CDH18: variants seen among roughly 807,000 people sequenced by gnomAD.
The protein encoded by CDH18 is cadherin-18.
In CDH18, 31 loss-of-function variants were observed where a neutral mutation model predicts 67.9. That is an observed-to-expected ratio of 0.46 (90% CI 0.34 to 0.62). CDH18 has a LOEUF of 0.62. Ranked by LOEUF, CDH18 falls within the 20% of genes least tolerant of loss-of-function variation. The pLI, the probability that CDH18 is intolerant of heterozygous loss-of-function variation, is 0.01. For synonymous variants in CDH18, 362 were observed against 347.2 expected (o/e 1.04, Z -0.48); for missense variants, 890 against 975.5 (o/e 0.91, Z 1.17).
intron 2 of CDH18, among the ~76,000 whole-genome samples, chr5:20,174,052 C>A (rs891450444): frequency 6.6e-6 from 1 of 152,006 alleles, no homozygotes; most frequent in Admixed American, 6.6e-5. Flanking sequence ...TAAAAGTAGT[C>A]AAGAGAAAGT....
At chr5:19,745,918 CAT>C (rs1438616040) in intron 4 of CDH18, among the ~76,000 whole-genome samples, 1 of 151,676 alleles carries the variant, frequency 6.6e-6, no homozygotes. Context: ...AATATATATA[CAT>C]ATATATACAT....
At chr5:20,146,080 G>A (rs1298286582) in intron 2 of CDH18, among the ~76,000 whole-genome samples, 1 of 152,100 alleles carries the variant, frequency 6.6e-6, no homozygotes, top group Non-Finnish European at 1.5e-5. Flanking sequence ...AGGGCATCTA[G>A]TCAACTGGTC....
intron 2 of CDH18, among the ~76,000 whole-genome samples, chr5:19,854,843 T>C (rs534933987): frequency 1.3e-5 from 2 of 152,158 alleles, no homozygotes; most frequent in African/African-American, 4.8e-5. Context: ...AACTGTATTT[T>C]TGTATCCATT....
At chr5:19,749,388 T>C (rs1183417857) in intron 3 of CDH18, among the ~76,000 whole-genome samples, 1 of 151,546 alleles carries the variant, frequency 6.6e-6, no homozygotes, top group Non-Finnish European at 1.5e-5. Context: ...TTGCAGAATG[T>C]GTTATGTCTT....
At chr5:20,160,809 A>G (rs1349627880) in intron 2 of CDH18, among the ~76,000 whole-genome samples, 1 of 152,222 alleles carries the variant, frequency 6.6e-6, no homozygotes, top group African/African-American at 2.4e-5. Context: ...ATTGTAGTCG[A>G]TAACAGAGGT....
At chr5:19,592,075 T>C (rs1745236024) in intron 6 of CDH18, among the ~76,000 whole-genome samples, 1 of 152,028 alleles carries the variant, frequency 6.6e-6, no homozygotes, top group Non-Finnish European at 1.5e-5. Flanking sequence ...ACAGACAAGT[T>C]AATATTCAAT....
intron 1 of CDH18, among the ~76,000 whole-genome samples, chr5:20,317,560 A>G (rs986870570): frequency 4.0e-4 from 61 of 152,148 alleles, no homozygotes; most frequent in Admixed American, 3.9e-3. Context: ...TACATAAACA[A>G]TTTCCAAAAG....
intron 2 of CDH18, among the ~76,000 whole-genome samples, chr5:19,954,246 T>A (rs1214774461): frequency 6.6e-6 from 1 of 152,108 alleles, no homozygotes; most frequent in East Asian, 1.9e-4. Context: ...TTAATATAAT[T>A]GATCCAATTT....
chr5:20,015,151 A>G (rs896485627), intron 2 of CDH18, among the ~76,000 whole-genome samples: 28 of 152,144 alleles, frequency 1.8e-4, no homozygotes, highest in African/African-American at 6.0e-4. Context: ...TGCCATGTTG[A>G]TTACAAACCT....
chr5:20,306,946 A>T (rs1736516185), intron 1 of CDH18, among the ~76,000 whole-genome samples: 1 of 119,100 alleles, frequency 8.4e-6, no homozygotes, highest in African/African-American at 2.5e-5. Context: ...TGCCATAGTT[A>T]TAGGAAAAAA....
Position 19,524,655 on chromosome 5 carries a change from A to C in CDH18, c.1391-3877T>G, listed in dbSNP as rs112258849. Among the ~76,000 whole-genome samples the C allele has an allele frequency of 4.7e-3, 716 of 152,268 alleles. 5 individuals carry two copies. The highest frequency in any genetic ancestry group is 0.016 in the African/African-American group (682 of 41,572). ...TATCTCCCAATTTTAAGCAGACAAA[A>C]GCAATCTCTTTTAAAAATCTGGGGT... On this transcript the variant is annotated intron_variant, in intron 9 of 12. Coordinates refer to ENST00000382275, the MANE Select transcript of CDH18 (RefSeq NM_004934.5).
At chr5:20,209,753 C>G (rs954258448) in intron 2 of CDH18, among the ~76,000 whole-genome samples, 2 of 151,700 alleles carry the variant, frequency 1.3e-5, no homozygotes, top group Non-Finnish European at 2.9e-5. Flanking sequence ...AAGACAATAA[C>G]GTAAATGTTC....
chr5:20,093,990 G>T (rs1325620082), intron 2 of CDH18, among the ~76,000 whole-genome samples: 1 of 152,084 alleles, frequency 6.6e-6, no homozygotes, highest in Admixed American at 6.6e-5. Flanking sequence ...GAGGTAAGAA[G>T]AAACCACCGA....
intron 1 of CDH18, among the ~76,000 whole-genome samples, chr5:20,555,009 G>A (rs756171118): frequency 6.6e-6 from 1 of 152,178 alleles, no homozygotes; most frequent in African/African-American, 2.4e-5. Flanking sequence ...CTGAACGTTA[G>A]TGCCTCCCCC....
chr5:20,148,842 T>C (rs190715586), intron 2 of CDH18, among the ~76,000 whole-genome samples: 4 of 152,220 alleles, frequency 2.6e-5, no homozygotes, highest in Admixed American at 2.6e-4. Flanking sequence ...TCCTAGGTCT[T>C]CATTCCATTT....
intron 5 of CDH18, among the ~76,000 whole-genome samples, chr5:19,681,628 T>C (rs1272946399): frequency 6.6e-6 from 1 of 151,902 alleles, no homozygotes; most frequent in African/African-American, 2.4e-5. Flanking sequence ...TAAACAAATG[T>C]AAGAACCAAA....
chr5:19,520,454 A>G (rs759206114), intron 10 of CDH18, among the ~76,000 whole-genome samples: 7 of 152,130 alleles, frequency 4.6e-5, no homozygotes, highest in Non-Finnish European at 8.8e-5. Context: ...CATTTTTCTG[A>G]GTTACATTTC....
At chr5:20,304,504 T>C (rs1736245396) in intron 1 of CDH18, 3 of 1,599,950 alleles carry the variant, frequency 1.9e-6, no homozygotes, top group Non-Finnish European at 2.6e-6. Flanking sequence ...TAGTGCGAAA[T>C]GGTGAAGAGA....
chr5:19,746,806 A>G (rs1770056184), intron 4 of CDH18, 136 bp downstream of exon 4: 5 of 711,762 alleles, frequency 7.0e-6, no homozygotes, highest in Non-Finnish European at 1.1e-5. Context: ...GCCACAAAAA[A>G]TACTAAAATA....
Sources: gnomAD v4.1 joint callset for allele counts (sites outside exome capture counted in the v4.1 genomes callset) on GRCh38, gnomAD v4.1.1 for gene constraint, MANE v1.5 for transcripts, NCBI Gene and HGNC (gene_info 2026-07-23, HGNC 2026-07-21) for gene names.